TPTE: variants seen among roughly 807,000 people sequenced by gnomAD.
TPTE encodes the protein putative tyrosine-protein phosphatase TPTE.
TPTE carries 59 observed loss-of-function variants against 84.1 expected under a neutral mutation model. That is an observed-to-expected ratio of 0.70 (90% confidence interval 0.57 to 0.87). The LOEUF is 0.87. Among genes scored for constraint, TPTE ranks in the 40% least tolerant of loss-of-function variants. TPTE has a pLI of 0.00. For missense variants in TPTE, 382 were observed against 659.6 expected, an observed-to-expected ratio of 0.58 and a Z score of 4.61; for synonymous variants, 130 against 223.5, an observed-to-expected ratio of 0.58 and a Z score of 3.73.
In TPTE at chr21:10,543,130, C is replaced by T. The variant is rs561685911; in HGVS notation, c.120-199C>T. Among the ~76,000 whole-genome samples the T allele has an allele frequency of 6.1e-4, 83 of 135,116 alleles. 12 individuals are homozygous for T. The East Asian group carries it at 0.016, about 26-fold the overall frequency. The allele number at this position is 135,116 out of a possible 152,430, so 88.6% of individuals were successfully genotyped here. A position where few individuals can be genotyped will look rare whatever the true frequency, so the allele number is the denominator to read the frequency against. On this transcript the variant is annotated intron_variant, in intron 6 of 23. Transcript: ENST00000618007. Reference sequence around the variant, plus strand: ...CTGCAAGCTCTGCTTCCCGGGTTCACGCCATTCTCCTGCCTCAGCCTCCCG... The same window carrying T: ...CTGCAAGCTCTGCTTCCCGGGTTCATGCCATTCTCCTGCCTCAGCCTCCCG...
intron 1 of TPTE, among the ~76,000 whole-genome samples, chr21:10,523,608 C>T (rs1297266964): frequency 6.6e-6 from 1 of 152,304 alleles, no homozygotes; most frequent in Admixed American, 6.5e-5. Flanking sequence ...TCATCCATGT[C>T]CCTACAAAGG....
At chr21:10,537,627 G>A (rs1238409290) in intron 3 of TPTE, among the ~76,000 whole-genome samples, 50 of 151,550 alleles carry the variant, frequency 3.3e-4, no homozygotes, top group African/African-American at 1.1e-3. Context: ...GCAGTGAACC[G>A]AGATCCTGCC....
At chr21:10,558,825 A>G (rs1212960229) in intron 8 of TPTE, among the ~76,000 whole-genome samples, 27 of 152,380 alleles carry the variant, frequency 1.8e-4, no homozygotes, top group African/African-American at 6.0e-4. Context: ...ATTGTTCCTC[A>G]TGAGCTACCT....
chr21:10,574,405 G>A (rs2075109637), intron 14 of TPTE, among the ~76,000 whole-genome samples: 3 of 152,312 alleles, frequency 2.0e-5, no homozygotes, highest in Non-Finnish European at 4.4e-5. Flanking sequence ...CATGACTAGA[G>A]AACGTGGACG....
chr21:10,528,936 C>T (rs750765824), intron 3 of TPTE, among the ~76,000 whole-genome samples: 1 of 152,308 alleles, frequency 6.6e-6, no homozygotes, highest in Non-Finnish European at 1.5e-5. Flanking sequence ...CCTGTAATCC[C>T]AGCACTTTGG....
intron 8 of TPTE, among the ~76,000 whole-genome samples, chr21:10,554,520 A>G (rs1467589075): frequency 2.6e-5 from 4 of 152,308 alleles, no homozygotes; most frequent in Non-Finnish European, 4.4e-5. Context: ...TCTTTGACAC[A>G]CCTTCATTTA....
chr21:10,528,430 A>T (rs2074119002), intron 3 of TPTE, among the ~76,000 whole-genome samples: 1 of 152,428 alleles, frequency 6.6e-6, no homozygotes, highest in African/African-American at 2.4e-5. Context: ...CTTTCTAAAA[A>T]GTTGGGTTTT....
At chr21:10,542,563 T>TCATCCATCCATCCATC in intron 6 of TPTE, 115 bp downstream of exon 6, 3 of 820,494 alleles carry the variant, frequency 3.7e-6, no homozygotes, top group East Asian at 7.1e-5. Flanking sequence ...ATCCATCCAT[T>TCATCCATCCATCCATC]CATCCATCCA....
At chr21:10,558,617 C>G (rs2074730614) in intron 8 of TPTE, among the ~76,000 whole-genome samples, 1 of 152,308 alleles carries the variant, frequency 6.6e-6, no homozygotes. Flanking sequence ...TATCTGCCCT[C>G]TTTGTTCTCC....
intron 11 of TPTE, among the ~76,000 whole-genome samples, chr21:10,568,317 C>T (rs1323585932): frequency 6.6e-6 from 1 of 152,310 alleles, no homozygotes; most frequent in Non-Finnish European, 1.5e-5. Flanking sequence ...TCATGAGTTT[C>T]TAAAAAATAG....
intron 7 of TPTE, among the ~76,000 whole-genome samples, chr21:10,546,388 G>A (rs562580173): frequency 4.6e-5 from 7 of 152,426 alleles, no homozygotes; most frequent in African/African-American, 1.4e-4. Flanking sequence ...TATTCCCTGA[G>A]ACACAACAAT....
At chr21:10,554,761 A>G (rs1025085080) in intron 8 of TPTE, among the ~76,000 whole-genome samples, 2 of 152,308 alleles carry the variant, frequency 1.3e-5, no homozygotes, top group Non-Finnish European at 2.9e-5. Context: ...TCTGTTTTGA[A>G]TTTATTTTCT....
At chr21:10,533,008 T>C (rs1272658419) in intron 3 of TPTE, among the ~76,000 whole-genome samples, 5 of 152,308 alleles carry the variant, frequency 3.3e-5, no homozygotes, top group Non-Finnish European at 5.9e-5. Flanking sequence ...TCTTGAATTT[T>C]GGGAAATTTA....
At chr21:10,563,913 T>G (rs1433250358) in intron 10 of TPTE, among the ~76,000 whole-genome samples, 2 of 152,302 alleles carry the variant, frequency 1.3e-5, no homozygotes, top group Non-Finnish European at 1.5e-5. Context: ...CCCAGCAGTT[T>G]GGGAGGCCAA....
chr21:10,557,771 G>A (rs144882033), intron 8 of TPTE, among the ~76,000 whole-genome samples: 320 of 152,292 alleles, frequency 2.1e-3, no homozygotes, highest in African/African-American at 7.1e-3. Flanking sequence ...AGGTTTGGTG[G>A]TACACGTGAG....
chr21:10,563,123 G>GA lies in TPTE; in HGVS notation c.446+1939dup, dbSNP rs1250859975. Among the ~76,000 whole-genome samples the GA allele has an allele frequency of 1.6e-4, 25 of 152,410 alleles. No homozygotes were observed. In the East Asian group the frequency reaches 4.4e-3, roughly 27 times the overall value. ...GCATGACATATTGAAAGTGCTGAAG[G>GA]AAAAAAACATTTACCCTAGAACAGT... On this transcript the variant is annotated intron_variant, in intron 10 of 23. Transcript: ENST00000618007.
rs1269098632 is a variant in TPTE at position 10,527,353 on chromosome 21, A to G, written c.-101-2A>G. 2 of 152,808 alleles carry G rather than the reference A, an allele frequency of 1.3e-5. No individual in the cohort carries two copies. The highest frequency in any genetic ancestry group is 2.4e-5 in the African/African-American group (1 of 41,480). 9.5% of individuals were successfully genotyped at this position (152,808 alleles called of 1,614,324 possible). A position where few individuals can be genotyped will look rare whatever the true frequency, so the allele number is the denominator to read the frequency against. ...TTGTATGTGCTTTTTACTCTTTGGT[A>G]GAGTTATGGATTCACTACCAGATTC... On this transcript the variant is annotated splice_acceptor_variant, in intron 2 of 23. Transcript: ENST00000618007. LOFTEE classifies it low-confidence loss of function (5UTR_SPLICE).
chr21:10,551,624 G>T (rs1393298610), intron 7 of TPTE, among the ~76,000 whole-genome samples: 2 of 152,274 alleles, frequency 1.3e-5, no homozygotes, highest in Non-Finnish European at 2.9e-5. Context: ...ATTACAAAAG[G>T]TTAACAACAA....
chr21:10,585,646 C>G (rs1402699766), intron 17 of TPTE, among the ~76,000 whole-genome samples: 1 of 152,310 alleles, frequency 6.6e-6, no homozygotes, highest in Non-Finnish European at 1.5e-5. Flanking sequence ...TTTTTATTCT[C>G]TGGGTAAATT....
Sources: gnomAD v4.1 joint callset for allele counts (sites outside exome capture counted in the v4.1 genomes callset) on GRCh38, gnomAD v4.1.1 for gene constraint, MANE v1.5 for transcripts, NCBI Gene and HGNC (gene_info 2026-07-23, HGNC 2026-07-21) for gene names.